Variants in METTL24 observed in about 807,000 individuals in gnomAD.
METTL24 encodes probable methyltransferase-like protein 24.
Under a neutral mutation model 32.7 loss-of-function variants are expected in METTL24, and 29 were observed. The observed-to-expected ratio is 0.89, with a 90% confidence interval of 0.66 to 1.21. The LOEUF (loss-of-function observed/expected upper bound fraction) is 1.21. METTL24 is among the 50% of genes most tolerant of loss of function. The probability of loss-of-function intolerance (pLI) is 0.00; values close to 1 mark genes in which losing one functional copy is unlikely to be tolerated. For missense variants in METTL24, 439 were observed against 468.1 expected, an observed-to-expected ratio of 0.94 and a Z score of 0.57; for synonymous variants, 163 against 179.5, an observed-to-expected ratio of 0.91 and a Z score of 0.73.
At chr6:110,303,706 G>A (rs1771579098) in intron 3 of METTL24, among the ~76,000 whole-genome samples, 1 of 152,194 alleles carries the variant, frequency 6.6e-6, no homozygotes, top group South Asian at 2.1e-4. Context: ...CTGGGTCAGA[G>A]CACCTGGGGG....
intron 3 of METTL24, among the ~76,000 whole-genome samples, chr6:110,314,778 A>G (rs1342576794): frequency 2.0e-5 from 3 of 152,042 alleles, no homozygotes; most frequent in Admixed American, 6.6e-5. Flanking sequence ...CCTGGGCAAC[A>G]TGGCAAAACC....
At chr6:110,328,589 G>A (rs1476746897) in intron 1 of METTL24, among the ~76,000 whole-genome samples, 1 of 152,108 alleles carries the variant, frequency 6.6e-6, no homozygotes, top group Non-Finnish European at 1.5e-5. Context: ...TGTGATCTCA[G>A]CATAAAGTTT....
intron 4 of METTL24, among the ~76,000 whole-genome samples, chr6:110,252,855 C>T (rs1778307804): frequency 6.6e-6 from 1 of 152,138 alleles, no homozygotes; most frequent in Non-Finnish European, 1.5e-5. Context: ...CACAGGGCCC[C>T]AAGCCTAGAA....
intron 3 of METTL24, among the ~76,000 whole-genome samples, chr6:110,315,128 G>A (rs1444075636): frequency 1.3e-5 from 2 of 152,088 alleles, no homozygotes; most frequent in African/African-American, 2.4e-5. Flanking sequence ...GCTATCAGCA[G>A]AATGGGAGGG....
intron 4 of METTL24, among the ~76,000 whole-genome samples, chr6:110,293,499 C>T (rs529998107): frequency 4.6e-5 from 7 of 151,652 alleles, no homozygotes; most frequent in Non-Finnish European, 1.0e-4. Context: ...TCTAGTATAC[C>T]ATCATATTGT....
rs1490375827 is a variant in METTL24 at position 110,280,607 on chromosome 6, A to AAT, written c.786+18313_786+18314dup. ...GGCCATCCCACCTTAATTTTGTTAA[A>AAT]ATATATATACCACTGAGAGAAAAGT... is the stretch of plus-strand genomic sequence containing the variant. On this transcript the variant is annotated intron_variant, in intron 4 of 4. Transcript: ENST00000338882. Among the ~76,000 whole-genome samples, 9 of 152,242 alleles carry AAT rather than the reference A, an allele frequency of 5.9e-5. No individual in the cohort carries two copies. In the East Asian group the frequency reaches 1.7e-3, roughly 29 times the overall value.
chr6:110,264,971 G>A (rs1450139422), intron 4 of METTL24, among the ~76,000 whole-genome samples: 3 of 151,978 alleles, frequency 2.0e-5, no homozygotes, highest in Admixed American at 6.6e-5. Context: ...GGGGCCTGTT[G>A]TGGGGTGGGG....
At chr6:110,262,899 G>A (rs1318525809) in intron 4 of METTL24, among the ~76,000 whole-genome samples, 9 of 152,068 alleles carry the variant, frequency 5.9e-5, no homozygotes, top group Non-Finnish European at 1.0e-4. Flanking sequence ...TGCAGAAAAG[G>A]CCTTTGACAA....
intron 1 of METTL24, among the ~76,000 whole-genome samples, chr6:110,327,365 T>C (rs1772034578): frequency 1.3e-5 from 2 of 152,236 alleles, no homozygotes; most frequent in South Asian, 4.1e-4. Flanking sequence ...TATAGAATGA[T>C]CTTAAGGGTC....
rs7774094 is a variant in METTL24 at position 110,289,376 on chromosome 6, A to G, written c.786+9546T>C. 0.012 allele frequency among the ~76,000 whole-genome samples: 1,779 copies of G among 152,328 alleles called. 55 individuals carry two copies. The East Asian group carries it at 0.12, about 10-fold the overall frequency. On this transcript the variant is annotated intron_variant, in intron 4 of 4. Transcript: ENST00000338882. ...AAGAAGAATATCAGCTTTCACAAAC[A>G]TGCAAGCAGTGGCAACACACTTTTA... is the stretch of plus-strand genomic sequence containing the variant.
intron 1 of METTL24, among the ~76,000 whole-genome samples, chr6:110,350,806 AT>A (rs1772584747): frequency 6.6e-6 from 1 of 150,488 alleles, no homozygotes; most frequent in African/African-American, 2.4e-5. Context: ...ATAAAATAAA[AT>A]AAAATAAAAT....
At chr6:110,315,904 C>T (rs753364226) in intron 2 of METTL24, among the ~76,000 whole-genome samples, 5 of 152,096 alleles carry the variant, frequency 3.3e-5, no homozygotes, top group Non-Finnish European at 7.4e-5. Flanking sequence ...TAGATGTCTT[C>T]GTTACTCACA....
chr6:110,330,013 G>T (rs1046664493), intron 1 of METTL24, among the ~76,000 whole-genome samples: 4 of 152,210 alleles, frequency 2.6e-5, no homozygotes, highest in Non-Finnish European at 5.9e-5. Context: ...TTTCCTTCTG[G>T]TGTCCTGCCC....
intron 1 of METTL24, among the ~76,000 whole-genome samples, chr6:110,354,615 T>C (rs1313489477): frequency 1.3e-5 from 2 of 152,246 alleles, no homozygotes; most frequent in African/African-American, 4.8e-5. Flanking sequence ...AATTACTTAA[T>C]GGTACATTCA....
intron 4 of METTL24, among the ~76,000 whole-genome samples, chr6:110,282,927 A>T (rs1467912684): frequency 6.6e-6 from 1 of 152,158 alleles, no homozygotes; most frequent in Non-Finnish European, 1.5e-5. Context: ...TGATAAACGG[A>T]TTCTTTTTTA....
chr6:110,286,473 G>A (rs948657789), intron 4 of METTL24, among the ~76,000 whole-genome samples: 2 of 152,160 alleles, frequency 1.3e-5, no homozygotes, highest in East Asian at 3.9e-4. Flanking sequence ...CTTATGGTGT[G>A]TTGTTGATAC....
intron 4 of METTL24, among the ~76,000 whole-genome samples, chr6:110,291,872 C>T (rs1771327300): frequency 6.6e-6 from 1 of 152,134 alleles, no homozygotes; most frequent in South Asian, 2.1e-4. Context: ...TCTTGTTGTT[C>T]CATTGATGTC....
At chr6:110,323,581 A>G (rs1771968681) in intron 1 of METTL24, among the ~76,000 whole-genome samples, 1 of 152,284 alleles carries the variant, frequency 6.6e-6, no homozygotes, top group South Asian at 2.1e-4. Context: ...GGGGGAATGC[A>G]ATGGTCTGGA....
chr6:110,268,467 A>G (rs1356980275), intron 4 of METTL24, among the ~76,000 whole-genome samples: 1 of 152,172 alleles, frequency 6.6e-6, no homozygotes, highest in Non-Finnish European at 1.5e-5. Flanking sequence ...ATAGAAGAAA[A>G]GCAAATGTGG....
Sources: allele counts gnomAD v4.1 joint callset (sites outside exome capture counted in the v4.1 genomes callset), GRCh38; gene constraint gnomAD v4.1.1; transcripts MANE v1.5; gene names NCBI Gene and HGNC (gene_info 2026-07-23, HGNC 2026-07-21).